The following ASPH variants were observed in gnomAD, a reference collection of about 807,000 sequenced individuals.
ASPH encodes aspartyl/asparaginyl beta-hydroxylase.
In ASPH, 100 loss-of-function variants were observed where a neutral mutation model predicts 118.4. The ratio of observed to expected loss-of-function variants is 0.84; its 90% CI spans 0.72 to 1.00. ASPH has a LOEUF of 1.00. Among genes scored for constraint, ASPH ranks in the 50% least tolerant of loss-of-function variants. The pLI, the probability that ASPH is intolerant of heterozygous loss-of-function variation, is 0.00. For synonymous variants in ASPH, 315 were observed against 325.6 expected (o/e 0.97, Z 0.35); for missense variants, 920 against 919.5 (o/e 1.00, Z -0.01).
At chr8:61,576,941 G>T in intron 15 of ASPH, 83 bp from the exon 16 acceptor site, 1 of 1,214,368 alleles carries the variant, frequency 8.2e-7, no homozygotes, top group Non-Finnish European at 1.1e-6. Context: ...TCAGCAAGTG[G>T]TTTTGTCAGA....
intron 1 of ASPH, chr8:61,689,768 GT>G (rs1449813834): frequency 2.8e-5 from 43 of 1,525,454 alleles, no homozygotes; most frequent in Admixed American, 6.5e-5. Context: ...CTGCTGGCAG[GT>G]TTTAGGCACA....
At chr8:61,512,908 C>A (rs1266623365) in intron 24 of ASPH, among the ~76,000 whole-genome samples, 1 of 152,158 alleles carries the variant, frequency 6.6e-6, no homozygotes, top group Non-Finnish European at 1.5e-5. Context: ...TATTGAGCTT[C>A]TCTGTGTTAT....
intron 13 of ASPH, among the ~76,000 whole-genome samples, chr8:61,628,533 T>C (rs961536796): frequency 9.2e-5 from 14 of 152,082 alleles, no homozygotes; most frequent in African/African-American, 3.4e-4. Flanking sequence ...ACATTTCCCC[T>C]GTCCTCTTTC....
At chr8:61,551,360 C>A (rs778368454) in intron 20 of ASPH, among the ~76,000 whole-genome samples, 1 of 152,182 alleles carries the variant, frequency 6.6e-6, no homozygotes, top group African/African-American at 2.4e-5. Context: ...GTGTTTACTT[C>A]CTGACATGCA....
chr8:61,675,361 T>C, intron 3 of ASPH: 2 of 967,290 alleles, frequency 2.1e-6, no homozygotes, highest in East Asian at 1.1e-4. Context: ...TTACTTTCTC[T>C]GGATGTATAT....
chr8:61,579,216 G>T, intron 15 of ASPH: 6 of 1,613,458 alleles, frequency 3.7e-6, no homozygotes, highest in Non-Finnish European at 5.1e-6. Context: ...TTCCCTGGAG[G>T]CCGCCATTGC....
At chr8:61,624,800 CT>C (rs1852146577) in intron 13 of ASPH, 1 of 985,624 alleles carries the variant, frequency 1.0e-6, no homozygotes, top group Admixed American at 6.1e-5. Flanking sequence ...AAAAATATGG[CT>C]TTATAAAAAG....
At chr8:61,514,729 A>T (rs1462737409) in intron 24 of ASPH, among the ~76,000 whole-genome samples, 1 of 151,820 alleles carries the variant, frequency 6.6e-6, no homozygotes, top group Admixed American at 6.6e-5. Flanking sequence ...CAAAACAAAA[A>T]CAAAAAAACT....
In ASPH at chr8:61,684,086, G is replaced by A. The variant is rs1829438519; in HGVS notation, c.206C>T (p.Ser69Phe). ...MVIALLGVWT[S>F]VAVVWFDLVD... ...AAGATCAAACCAAACGACAGCTACA[G>A]ATGTCCAGACGCCCAGCAATGCAAT... Residue 69 changes from serine (S) to phenylalanine (F), a missense_variant, in exon 2 of 25, where the codon TCT becomes TTT. By Grantham distance (155) the Ser-to-Phe change is radical (BLOSUM62 -2). Transcript: ENST00000379454. 3 of 1,613,800 alleles carry A rather than the reference G, an allele frequency of 1.9e-6. No homozygotes were observed. Among genetic ancestry groups the A allele is most frequent in the East Asian group, 2.2e-5 (1 of 44,870 alleles).
intron 10 of ASPH, among the ~76,000 whole-genome samples, chr8:61,639,016 T>C (rs1445129059): frequency 1.3e-5 from 2 of 152,314 alleles, no homozygotes; most frequent in Admixed American, 1.3e-4. Flanking sequence ...TTCTTATTCA[T>C]TTAATAAAGA....
chr8:61,646,732 GAA>G lies in ASPH; in HGVS notation c.619+16_619+17del, dbSNP rs764919786. 13 of 1,598,420 alleles carry G rather than the reference GAA, an allele frequency of 8.1e-6. No individual in the cohort carries two copies. In the African/African-American group the frequency reaches 9.5e-5, roughly 12 times the overall value. ...TTGATTATATTTTATCCTAAAACTT[GAA>G]AAAAAAGTGTTCTACCTTCATGAGA... On this transcript the variant is annotated intron_variant, in intron 6 of 24. Coordinates refer to ENST00000379454, the MANE Select transcript of ASPH (RefSeq NM_004318.4).
intron 14 of ASPH, among the ~76,000 whole-genome samples, chr8:61,614,369 C>A (rs941395410): frequency 2.0e-5 from 3 of 152,198 alleles, no homozygotes; most frequent in South Asian, 4.1e-4. Context: ...CTTCAAATTT[C>A]TTTAAAGGCT....
At chr8:61,639,943 C>T (rs1220088499) in intron 10 of ASPH, among the ~76,000 whole-genome samples, 1 of 152,204 alleles carries the variant, frequency 6.6e-6, no homozygotes, top group Non-Finnish European at 1.5e-5. Flanking sequence ...TACACCCATG[C>T]ATGAAGACCT....
At chr8:61,532,023 T>A (rs547087543) in intron 21 of ASPH, among the ~76,000 whole-genome samples, 1 of 152,312 alleles carries the variant, frequency 6.6e-6, no homozygotes, top group South Asian at 2.1e-4. Flanking sequence ...CCTCTTTGAG[T>A]TACTGACTTC....
intron 1 of ASPH, among the ~76,000 whole-genome samples, chr8:61,710,374 C>A (rs915280820): frequency 1.3e-5 from 2 of 152,142 alleles, no homozygotes; most frequent in Admixed American, 1.3e-4. Context: ...GATGGATAGA[C>A]CCTATGAGCC....
intron 1 of ASPH, among the ~76,000 whole-genome samples, chr8:61,704,820 C>G (rs1589335044): frequency 1.3e-5 from 2 of 152,214 alleles, no homozygotes; most frequent in East Asian, 3.9e-4. Context: ...AGACTGACAC[C>G]ACCAAATGTT....
intron 3 of ASPH, among the ~76,000 whole-genome samples, chr8:61,677,405 C>A (rs1275073816): frequency 6.6e-6 from 1 of 152,060 alleles, no homozygotes; most frequent in Non-Finnish European, 1.5e-5. Context: ...CATCCATGAC[C>A]ACTGAGCTTT....
At chr8:61,611,724 T>C (rs1403004694) in intron 14 of ASPH, among the ~76,000 whole-genome samples, 1 of 152,188 alleles carries the variant, frequency 6.6e-6, no homozygotes, top group East Asian at 1.9e-4. Flanking sequence ...TGAATTCTAC[T>C]CAAATCTTTG....
At position 61,553,610 on chromosome 8, in the gene ASPH, T is replaced by TC. The variant is rs1554629093; in HGVS notation, c.1537-491_1537-490insG. 9.2e-3 allele frequency among the ~76,000 whole-genome samples: 1,391 copies of TC among 151,954 alleles called. 25 individuals are homozygous for TC. The highest frequency in any genetic ancestry group is 0.031 in the African/African-American group (1,263 of 41,338). On this transcript the variant is annotated intron_variant, in intron 19 of 24. Transcript: ENST00000379454. ...TCCTTACCTTTTAATGATTTTTTTTTTTTTTACAAAACATACAGGAGAATT... is the reference window on the plus strand; with the variant it reads ...TCCTTACCTTTTAATGATTTTTTTTTCTTTTTACAAAACATACAGGAGAATT...
Sources: gnomAD v4.1 joint callset for allele counts (sites outside exome capture counted in the v4.1 genomes callset) on GRCh38, gnomAD v4.1.1 for gene constraint, MANE v1.5 for transcripts, NCBI Gene and HGNC (gene_info 2026-07-23, HGNC 2026-07-21) for gene names.